The following ANTXR2 variants were observed in gnomAD, a reference collection of about 807,000 sequenced individuals.
ANTXR2 encodes the protein anthrax toxin receptor 2.
Under a neutral mutation model 73.7 loss-of-function variants are expected in ANTXR2, and 44 were observed. The observed-to-expected ratio is 0.60, with a 90% CI of 0.47 to 0.77. ANTXR2 has a LOEUF of 0.77. Among genes scored for constraint, ANTXR2 ranks in the 30% least tolerant of loss-of-function variants. The pLI is 0.00. For synonymous variants in ANTXR2, 217 were observed against 205.9 expected (o/e 1.05, Z -0.46); for missense variants, 604 against 592.5 (o/e 1.02, Z -0.20).
intron 10 of ANTXR2, among the ~76,000 whole-genome samples, chr4:80,026,721 C>A (rs1390062809): frequency 6.6e-6 from 1 of 152,118 alleles, no homozygotes; most frequent in Non-Finnish European, 1.5e-5. Flanking sequence ...CAATAAAGAA[C>A]AATTCAAATC....
intron 7 of ANTXR2, among the ~76,000 whole-genome samples, chr4:80,037,253 A>C (rs989224216): frequency 1.3e-5 from 2 of 152,192 alleles, no homozygotes; most frequent in African/African-American, 4.8e-5. Flanking sequence ...TCTCCTTTTC[A>C]TAACTAGAAT....
chr4:79,924,116 G>A (rs544769888), intron 16 of ANTXR2, among the ~76,000 whole-genome samples: 3 of 152,138 alleles, frequency 2.0e-5, no homozygotes, highest in Admixed American at 1.3e-4. Context: ...TAGCCAACAG[G>A]TAGTTTTTCC....
At chr4:79,945,619 T>A (rs1728488752) in intron 16 of ANTXR2, among the ~76,000 whole-genome samples, 1 of 152,160 alleles carries the variant, frequency 6.6e-6, no homozygotes, top group African/African-American at 2.4e-5. Context: ...ATAGCTTTTG[T>A]TAGATACCTT....
At chr4:80,068,975 C>T (rs950391414) in intron 3 of ANTXR2, among the ~76,000 whole-genome samples, 76 of 152,114 alleles carry the variant, frequency 5.0e-4, no homozygotes, top group African/African-American at 1.7e-3. Flanking sequence ...ACTAAGTTCC[C>T]TTATAAAGGT....
intron 12 of ANTXR2, among the ~76,000 whole-genome samples, chr4:79,995,821 A>G (rs1730697055): frequency 6.6e-6 from 1 of 151,994 alleles, no homozygotes; most frequent in East Asian, 1.9e-4. Flanking sequence ...TTAATAATGA[A>G]AACGAAGCCC....
chr4:79,989,524 C>T (rs528145952), intron 12 of ANTXR2, among the ~76,000 whole-genome samples: 31 of 152,024 alleles, frequency 2.0e-4, no homozygotes, highest in African/African-American at 7.5e-4. Flanking sequence ...GTAGATGAGA[C>T]AGATTCATGG....
intron 16 of ANTXR2, among the ~76,000 whole-genome samples, chr4:79,956,397 G>C (rs1330269504): frequency 6.6e-6 from 1 of 152,050 alleles, no homozygotes; most frequent in African/African-American, 2.4e-5. Flanking sequence ...GAGGAATCAA[G>C]AGCTGCACTG....
chr4:79,937,743 A>C (rs1728330975), intron 16 of ANTXR2, among the ~76,000 whole-genome samples: 1 of 152,088 alleles, frequency 6.6e-6, no homozygotes, highest in South Asian at 2.1e-4. Flanking sequence ...CCGAATAGGA[A>C]CAGCTCCGGT....
At chr4:80,072,328 C>T in intron 1 of ANTXR2, 81 bp downstream of exon 1, 1 of 1,419,206 alleles carries the variant, frequency 7.0e-7, no homozygotes. Flanking sequence ...CCCCGGGGTG[C>T]GCACACGCAT....
At chr4:80,071,543 TA>T in intron 2 of ANTXR2, 39 bp downstream of exon 2, 2 of 1,521,534 alleles carry the variant, frequency 1.3e-6, no homozygotes, top group Non-Finnish European at 1.8e-6. Flanking sequence ...CACTTTGCTC[TA>T]CTTCTCCACT....
intron 16 of ANTXR2, among the ~76,000 whole-genome samples, chr4:79,927,806 G>A (rs117355323): frequency 0.013 from 1,994 of 152,134 alleles, 71 homozygotes; most frequent in Admixed American, 0.077. Flanking sequence ...ATCATACTTC[G>A]CACCTATTAG....
chr4:79,994,048 A>G (rs955287155), intron 12 of ANTXR2, among the ~76,000 whole-genome samples: 21 of 151,906 alleles, frequency 1.4e-4, no homozygotes, highest in African/African-American at 5.1e-4. Context: ...GACAAAGGAG[A>G]TGCATCTCCA....
chr4:80,007,396 A>AT (rs1007477783), intron 12 of ANTXR2, among the ~76,000 whole-genome samples: 7 of 152,124 alleles, frequency 4.6e-5, no homozygotes, highest in Admixed American at 2.6e-4. Context: ...CCTTAAGATA[A>AT]TTTTTTTTCT....
intron 16 of ANTXR2, among the ~76,000 whole-genome samples, chr4:79,944,685 G>T (rs1465057702): frequency 6.6e-6 from 1 of 152,076 alleles, no homozygotes; most frequent in Admixed American, 6.6e-5. Context: ...ATATATTTGT[G>T]AGTTTGGTAC....
At chr4:80,009,071 T>C (rs1489640046) in intron 11 of ANTXR2, among the ~76,000 whole-genome samples, 1 of 152,142 alleles carries the variant, frequency 6.6e-6, no homozygotes, top group Non-Finnish European at 1.5e-5. Context: ...AATTATCAAG[T>C]AGATGACAAA....
intron 16 of ANTXR2, among the ~76,000 whole-genome samples, chr4:79,918,104 G>C (rs895298110): frequency 5.3e-5 from 8 of 151,968 alleles, no homozygotes; most frequent in Non-Finnish European, 1.0e-4. Context: ...TGTTAAAGTA[G>C]AACGGACACA....
chr4:79,986,837 C>T (rs1458933904), intron 12 of ANTXR2, among the ~76,000 whole-genome samples: 2 of 152,268 alleles, frequency 1.3e-5, no homozygotes, highest in Middle Eastern at 3.4e-3. Context: ...AGCCATATGC[C>T]CAGTCCCAGT....
chr4:79,914,548 G>A (rs1026686806), intron 16 of ANTXR2, among the ~76,000 whole-genome samples: 18 of 151,938 alleles, frequency 1.2e-4, no homozygotes, highest in African/African-American at 4.4e-4. Context: ...ATAAAGAATT[G>A]CCTAAACCTG....
At chr4:80,042,371 C>T (rs966628724) in intron 7 of ANTXR2, among the ~76,000 whole-genome samples, 3 of 151,888 alleles carry the variant, frequency 2.0e-5, no homozygotes, top group Non-Finnish European at 4.4e-5. Flanking sequence ...TAGAATTTAC[C>T]TGAGTTGGGA....
Sources: allele counts gnomAD v4.1 joint callset (sites outside exome capture counted in the v4.1 genomes callset), GRCh38; gene constraint gnomAD v4.1.1; transcripts MANE v1.5; gene names NCBI Gene and HGNC (gene_info 2026-07-23, HGNC 2026-07-21).